Variants in CCDC186 observed in about 807,000 individuals in gnomAD.
CCDC186 encodes the protein coiled-coil domain containing 186.
Under a neutral mutation model 113.7 loss-of-function variants are expected in CCDC186, and 49 were observed. The ratio of observed to expected loss-of-function variants is 0.43; its 90% confidence interval spans 0.34 to 0.55. CCDC186 has a LOEUF of 0.55. Ranked by LOEUF, CCDC186 falls within the 20% of genes least tolerant of loss-of-function variation. The pLI is 0.02. For synonymous variants in CCDC186, 355 were observed against 345.8 expected, an observed-to-expected ratio of 1.03 and a Z score of -0.30; for missense variants, 890 against 1,011.1, an observed-to-expected ratio of 0.88 and a Z score of 1.62.
At chr10:114,127,126 A>G (rs959739302) in intron 14 of CCDC186, among the ~76,000 whole-genome samples, 5 of 152,220 alleles carry the variant, frequency 3.3e-5, no homozygotes, top group Admixed American at 2.6e-4. Flanking sequence ...AGGAAAAAAA[A>G]TCCACAACCC....
At chr10:114,149,786 C>CAGGAAGGAAGGAAGGA (rs879496767) in intron 4 of CCDC186, among the ~76,000 whole-genome samples, 2 of 48,130 alleles carry the variant, frequency 4.2e-5, no homozygotes, top group Middle Eastern at 0.01. Flanking sequence ...GGCAGGAAGG[C>CAGGAAGGAAGGAAGGA]AGGAAGGAAG....
Position 114,151,110 on chromosome 10 carries a change from C to G in CCDC186, c.870G>C (p.Met290Ile). 1.2e-6 allele frequency: 2 copies of G among 1,613,104 alleles called. No individual in the cohort carries two copies. The highest frequency in any genetic ancestry group is 1.7e-6 in the Non-Finnish European group (2 of 1,179,606). ...KNAVQQLHKEMAQRMEQANKK... is the reference protein window; with the variant it reads ...KNAVQQLHKEIAQRMEQANKK... ...GAAATACCTGTTCCATCCGTTGGGCCATCTCTTTGTGTAACTGCTGAACTG... is the reference window on the plus strand; with the variant it reads ...GAAATACCTGTTCCATCCGTTGGGCGATCTCTTTGTGTAACTGCTGAACTG... The change falls in exon 4 of 16, where the codon ATG becomes ATC. Residue 290 changes from methionine to isoleucine, a missense_variant. Met to Ile is a conservative substitution (Grantham distance 10, BLOSUM62 1). Coordinates refer to ENST00000369287, the MANE Select transcript of CCDC186 (RefSeq NM_018017.4).
chr10:114,127,653 C>T lies in CCDC186; in HGVS notation c.2201G>A (p.Ser734Asn). Residue 734 changes from serine to asparagine, a missense_variant, in exon 14 of 16, where the codon AGC (serine) becomes AAC (asparagine). By Grantham distance (46) the Ser-to-Asn change is conservative. Coordinates refer to ENST00000369287, the MANE Select transcript of CCDC186 (RefSeq NM_018017.4). ...TTCTGGAGATCGATCTTCTGCACTG[C>T]TTCGAGCATTCAGGGACCCTGAAGA... ...SSSSGSLNAR[S>N]SAEDRSPENT... is the part of the protein sequence containing the mutation. 1 of 1,613,872 alleles carries T rather than the reference C, an allele frequency of 6.2e-7. No homozygotes were observed.
At chr10:114,171,464 T>C (rs1417775947) in intron 1 of CCDC186, among the ~76,000 whole-genome samples, 1 of 152,150 alleles carries the variant, frequency 6.6e-6, no homozygotes, top group East Asian at 1.9e-4. Flanking sequence ...GGCAGGAGGA[T>C]TGCTTGAGAC....
At chr10:114,157,735 A>T in intron 2 of CCDC186, 55 bp from the exon 3 acceptor site, 6 of 1,332,102 alleles carry the variant, frequency 4.5e-6, no homozygotes, top group Non-Finnish European at 5.2e-6. Flanking sequence ...GAGATAAAAT[A>T]ATATGTGGAA....
chr10:114,130,672 A>G (rs2031058584), intron 12 of CCDC186: 1 of 152,252 alleles, frequency 6.6e-6, no homozygotes, highest in Admixed American at 6.5e-5. Context: ...CCGGTAGCCT[A>G]GATGCAGCAC....
chr10:114,138,040 A>AAAAC, intron 6 of CCDC186, among the ~76,000 whole-genome samples: 1 of 8,988 alleles, frequency 1.1e-4, no homozygotes, highest in Non-Finnish European at 4.4e-4. Context: ...TCGGTCTCAA[A>AAAAC]AAAAAAAAAA....
chr10:114,137,101 A>G (rs555275483), intron 7 of CCDC186, 85 bp downstream of exon 7: 1 of 997,486 alleles, frequency 1.0e-6, no homozygotes, highest in Admixed American at 2.1e-5. Flanking sequence ...CGGGCGACAG[A>G]GCGAGACTCC....
At chr10:114,142,408 A>G (rs973971172) in intron 6 of CCDC186, among the ~76,000 whole-genome samples, 1 of 152,234 alleles carries the variant, frequency 6.6e-6, no homozygotes, top group East Asian at 1.9e-4. Context: ...CCACAGCCAC[A>G]TCTATTGCTA....
intron 2 of CCDC186, among the ~76,000 whole-genome samples, chr10:114,159,692 T>C (rs1439369341): frequency 2.0e-5 from 3 of 146,998 alleles, no homozygotes; most frequent in African/African-American, 7.6e-5. Context: ...CAGTGGTGCA[T>C]GCCTGTAATC....
At chr10:114,166,060 G>A (rs2032328536) in intron 1 of CCDC186, 1 of 344,876 alleles carries the variant, frequency 2.9e-6, no homozygotes, top group Non-Finnish European at 4.1e-6. Flanking sequence ...CGGACCAAGG[G>A]ATTCTTAAAG....
intron 1 of CCDC186, among the ~76,000 whole-genome samples, chr10:114,169,635 T>C (rs2032436827): frequency 6.6e-6 from 1 of 152,224 alleles, no homozygotes; most frequent in South Asian, 2.1e-4. Flanking sequence ...TTCAATATAA[T>C]GGTTTATTGT....
chr10:114,137,265 GTTTC>G lies in CCDC186; in HGVS notation c.1243_1246del (p.Glu415GlnfsTer5). On this transcript the variant is annotated frameshift_variant, in exon 7 of 16. Transcript: ENST00000369287. LOFTEE classifies it high-confidence loss of function. ...CTTTGCTTGTGTTAATTTTGTTGTT[GTTTC>G]TTTGAGTTTATCTTTGGTTTCCTGC... 6.2e-7 allele frequency: 1 copy of G among 1,613,270 alleles called. No homozygotes were observed. The highest frequency in any genetic ancestry group is 8.5e-7 in the Non-Finnish European group (1 of 1,179,868).
At position 114,121,109 on chromosome 10, in the gene CCDC186, C is replaced by G. The variant is rs1564901142; in HGVS notation, c.*4034G>C. 1 of 152,090 alleles carries G rather than the reference C, an allele frequency of 6.6e-6. No homozygotes were observed. Among genetic ancestry groups the G allele is most frequent in the Non-Finnish European group, 1.5e-5 (1 of 68,004 alleles). The allele number at this position is 152,090 out of a possible 1,614,324, so 9.4% of individuals were successfully genotyped here. A position where few individuals can be genotyped will look rare whatever the true frequency, so the allele number is the denominator to read the frequency against. ...TCCATTCCAGAAGAAAAATACATCT[C>G]TAATATACAATTATATTTTTCATTT... On this transcript the variant is annotated 3_prime_UTR_variant, in exon 16 of 16. Transcript: ENST00000369287.
chr10:114,138,269 A>G (rs1369889098), intron 6 of CCDC186, among the ~76,000 whole-genome samples: 2 of 139,874 alleles, frequency 1.4e-5, no homozygotes, highest in African/African-American at 5.6e-5. Flanking sequence ...AAACAAAACA[A>G]AACAAAACAA....
intron 6 of CCDC186, among the ~76,000 whole-genome samples, chr10:114,140,963 A>G (rs182210979): frequency 4.0e-5 from 6 of 151,084 alleles, no homozygotes; most frequent in Admixed American, 2.6e-4. Context: ...GTGCAGTGGC[A>G]TGATCATAGC....
In CCDC186 at chr10:114,136,194, T is replaced by G. The variant is rs1387745098; in HGVS notation, c.1379A>C (p.Lys460Thr). The G allele has an allele frequency of 6.2e-7, 1 of 1,613,084 alleles. No homozygotes were observed. Among genetic ancestry groups the G allele is most frequent in the Non-Finnish European group, 8.5e-7 (1 of 1,179,880 alleles). The change falls in exon 8 of 16, where the codon AAA (lysine) becomes ACA (threonine). Residue 460 changes from lysine to threonine, a missense_variant. Physicochemically the swap from Lys to Thr is moderately conservative, Grantham distance 78. Transcript: ENST00000369287. ...TTGCATTTGTTTTTCAAGTTCTCCT[T>G]TTGTGACTCTAAGCTTTGCATCAAG... The part of the protein sequence containing the change: ...NELDAKLRVT[K>T]GELEKQMQEK...
intron 2 of CCDC186, among the ~76,000 whole-genome samples, chr10:114,159,903 A>T (rs1269339077): frequency 6.6e-6 from 1 of 152,144 alleles, no homozygotes; most frequent in Non-Finnish European, 1.5e-5. Flanking sequence ...TTGACGCTGC[A>T]GTGAGCTGAG....
intron 10 of CCDC186, among the ~76,000 whole-genome samples, chr10:114,133,975 G>A (rs945468430): frequency 3.9e-5 from 6 of 152,150 alleles, no homozygotes; most frequent in East Asian, 1.9e-4. Context: ...AAGACATAAA[G>A]GATAAAGAAG....
Sources: allele counts gnomAD v4.1 joint callset (sites outside exome capture counted in the v4.1 genomes callset), GRCh38; gene constraint gnomAD v4.1.1; transcripts MANE v1.5; gene names NCBI Gene and HGNC (gene_info 2026-07-23, HGNC 2026-07-21).